Variants in SGCD observed in about 807,000 individuals in gnomAD.
SGCD encodes delta-sarcoglycan.
Under a neutral mutation model 36.6 loss-of-function variants are expected in SGCD, and 18 were observed. The ratio of observed to expected loss-of-function variants is 0.49; its 90% CI spans 0.34 to 0.73. The LOEUF is 0.73. SGCD is among the 30% of genes least tolerant of loss of function. SGCD has a pLI of 0.01. For missense variants in SGCD, 387 were observed against 346.7 expected (o/e 1.12, Z -0.92); for synonymous variants, 133 against 130.6 (o/e 1.02, Z -0.12).
the SGCD span, among the ~76,000 whole-genome samples, chr5:155,794,239 T>C: frequency 1.3e-5 from 2 of 152,082 alleles, no homozygotes; most frequent in Non-Finnish European, 2.9e-5. Flanking sequence ...AAAAGGCAAA[T>C]CTGACCAGAG....
At chr5:156,209,071 G>A (rs540087384) in intron 3 of SGCD, among the ~76,000 whole-genome samples, 1 of 152,178 alleles carries the variant, frequency 6.6e-6, no homozygotes, top group East Asian at 1.9e-4. Flanking sequence ...CTAACACCAG[G>A]CTTATTGCAG....
At chr5:156,282,941 G>T (rs574909274) in intron 3 of SGCD, among the ~76,000 whole-genome samples, 22 of 152,238 alleles carry the variant, frequency 1.4e-4, no homozygotes, top group Non-Finnish European at 2.5e-4. Flanking sequence ...CATTTTTGAT[G>T]ATTTCTATAC....
At chr5:156,677,674 A>G (rs1342136639) in intron 7 of SGCD, among the ~76,000 whole-genome samples, 2 of 152,094 alleles carry the variant, frequency 1.3e-5, no homozygotes, top group Non-Finnish European at 2.9e-5. Context: ...GTACCCTAGA[A>G]CTTAAAGTAT....
intron 3 of SGCD, among the ~76,000 whole-genome samples, chr5:156,278,856 A>G (rs1766381580): frequency 6.6e-6 from 1 of 152,286 alleles, no homozygotes; most frequent in South Asian, 2.1e-4. Flanking sequence ...GGCTTGCCAT[A>G]GGAGGGACTG....
At chr5:156,350,702 C>T (rs995760157) in intron 3 of SGCD, among the ~76,000 whole-genome samples, 1 of 152,082 alleles carries the variant, frequency 6.6e-6, no homozygotes, top group African/African-American at 2.4e-5. Context: ...GTGTGTTTTA[C>T]CTACACTGTA....
the SGCD span, among the ~76,000 whole-genome samples, chr5:155,774,151 T>G: frequency 2.6e-3 from 394 of 152,220 alleles, 1 homozygote; most frequent in Non-Finnish European, 4.3e-3. Flanking sequence ...AATGCTGGAT[T>G]TTAACTTGGC....
intron 3 of SGCD, among the ~76,000 whole-genome samples, chr5:156,146,451 A>C (rs1258281171): frequency 6.6e-6 from 1 of 152,222 alleles, no homozygotes; most frequent in Non-Finnish European, 1.5e-5. Flanking sequence ...AGATGGTGTC[A>C]AGGGAATAAG....
chr5:156,505,993 G>T (rs1756678250), intron 3 of SGCD, among the ~76,000 whole-genome samples: 1 of 152,126 alleles, frequency 6.6e-6, no homozygotes, highest in African/African-American at 2.4e-5. Flanking sequence ...GCCTCCCTGG[G>T]TATCATGTTA....
chr5:156,091,577 T>A (rs903877143), intron 1 of SGCD, among the ~76,000 whole-genome samples: 2 of 152,230 alleles, frequency 1.3e-5, no homozygotes, highest in African/African-American at 4.8e-5. Context: ...ATTCATTGGC[T>A]GATCTGACAG....
At chr5:155,966,935 ATG>A (rs145801010) in intron 1 of SGCD, among the ~76,000 whole-genome samples, 15,023 of 147,988 alleles carry the variant, frequency 0.1, 1,561 homozygotes, top group African/African-American at 0.26. Flanking sequence ...ATAGGTTTTC[ATG>A]TGTGTGTGTG....
At chr5:156,188,451 G>T (rs1763812871) in intron 3 of SGCD, among the ~76,000 whole-genome samples, 1 of 152,142 alleles carries the variant, frequency 6.6e-6, no homozygotes, top group Admixed American at 6.6e-5. Flanking sequence ...CTAGTTCTAA[G>T]AGAATAATCT....
chr5:156,152,450 A>G (rs1210685322), intron 3 of SGCD, among the ~76,000 whole-genome samples: 1 of 151,666 alleles, frequency 6.6e-6, no homozygotes, highest in Non-Finnish European at 1.5e-5. Context: ...CATGTGTGGC[A>G]ATTAAACTCT....
chr5:156,129,905 G>A (rs777023448), intron 3 of SGCD, among the ~76,000 whole-genome samples: 40 of 152,088 alleles, frequency 2.6e-4, no homozygotes, highest in Admixed American at 5.2e-4. Flanking sequence ...GGGCATTTAG[G>A]TTGATTCATT....
At chr5:156,386,696 T>A (rs1472839911) in intron 3 of SGCD, among the ~76,000 whole-genome samples, 1 of 152,224 alleles carries the variant, frequency 6.6e-6, no homozygotes, top group Non-Finnish European at 1.5e-5. Context: ...CTGATGGTGA[T>A]CCCCTTGGGG....
intron 1 of SGCD, among the ~76,000 whole-genome samples, chr5:156,013,304 C>G (rs2127571333): frequency 6.6e-6 from 1 of 152,286 alleles, no homozygotes; most frequent in South Asian, 2.1e-4. Flanking sequence ...GGATTACAGG[C>G]ATGAGCTACT....
chr5:156,459,369 T>C (rs956989515), intron 3 of SGCD, among the ~76,000 whole-genome samples: 4 of 152,174 alleles, frequency 2.6e-5, no homozygotes, highest in Non-Finnish European at 2.9e-5. Flanking sequence ...AAACAGGACT[T>C]TTCAAACTTC....
intron 3 of SGCD, among the ~76,000 whole-genome samples, chr5:156,468,884 CAGGAGACTG>C (rs1268690054): frequency 1.3e-5 from 2 of 152,104 alleles, no homozygotes; most frequent in African/African-American, 4.8e-5. Flanking sequence ...CCCAACTACT[CAGGAGACTG>C]AGGCAGGAGA....
chr5:156,133,811 T>A (rs879697068), intron 3 of SGCD, among the ~76,000 whole-genome samples: 1 of 152,092 alleles, frequency 6.6e-6, no homozygotes, highest in Non-Finnish European at 1.5e-5. Context: ...TCTGTTTGTT[T>A]ACTTGGGTTG....
rs1219419532 is a variant in SGCD at position 156,764,554 on chromosome 5, T to C, written c.*5164T>C. The C allele has an allele frequency of 1.3e-5, 2 of 152,652 alleles. No individual in the cohort carries two copies. Among genetic ancestry groups the C allele is most frequent in the East Asian group, 3.8e-4 (2 of 5,204 alleles). 9.5% of individuals were successfully genotyped at this position (152,652 alleles called of 1,614,324 possible). ...ATGGCAAAGGGAAAATAATTACTTG[T>C]GGGAGGTCCTCCTTTTGAGTATTGT... On this transcript the variant is annotated 3_prime_UTR_variant, in exon 9 of 9. Transcript: ENST00000337851.
Sources: gnomAD v4.1 joint callset for allele counts (sites outside exome capture counted in the v4.1 genomes callset) on GRCh38, gnomAD v4.1.1 for gene constraint, MANE v1.5 for transcripts, NCBI Gene and HGNC (gene_info 2026-07-23, HGNC 2026-07-21) for gene names.